GMEB1: variants seen among roughly 807,000 people sequenced by gnomAD.
GMEB1 encodes glucocorticoid modulatory element-binding protein 1.
Under a neutral mutation model 52.4 loss-of-function variants are expected in GMEB1, and 6 were observed. That is an observed-to-expected ratio of 0.11 (90% CI 0.06 to 0.23). The LOEUF (loss-of-function observed/expected upper bound fraction) is 0.23, where lower values mean the gene tolerates loss of function less well. Among genes scored for constraint, GMEB1 ranks in the 10% least tolerant of loss-of-function variants. The pLI, the probability that GMEB1 is intolerant of heterozygous loss-of-function variation, is 1.00. For synonymous variants in GMEB1, 255 were observed against 244.9 expected (o/e 1.04, Z -0.38); for missense variants, 486 against 685.6 (o/e 0.71, Z 3.25).
Position 28,683,741 on chromosome 1 carries a change from G to GT in GMEB1, c.128+2dup. On this transcript the variant is annotated splice_donor_variant, in intron 2 of 9. Coordinates refer to ENST00000373816, the MANE Select transcript of GMEB1 (RefSeq NM_001319674.2). LOFTEE classifies it high-confidence loss of function. ...TGCAGTTACAGCCTGTGCAACAAGG[G>GT]TAAGTGGCTAGAGATTTGGGTATTC... 2 of 1,612,554 alleles carry GT rather than the reference G, an allele frequency of 1.2e-6. No individual in the cohort carries two copies. The highest frequency in any genetic ancestry group is 1.7e-6 in the Non-Finnish European group (2 of 1,179,478).
chr1:28,694,709 C>T (rs1398091757), intron 5 of GMEB1, among the ~76,000 whole-genome samples: 1 of 150,710 alleles, frequency 6.6e-6, no homozygotes, highest in Non-Finnish European at 1.5e-5. Context: ...TGCTGTGTCG[C>T]CCAGGCTGCA....
chr1:28,706,754 T>A (rs1403644369), intron 8 of GMEB1, among the ~76,000 whole-genome samples: 1 of 151,560 alleles, frequency 6.6e-6, no homozygotes, highest in Non-Finnish European at 1.5e-5. Context: ...AACCTCCACC[T>A]CCCAAGTTCA....
rs553877130 is a variant in GMEB1 at position 28,718,308 on chromosome 1, A to G, written c.*3535A>G. Reference sequence around the variant, plus strand: ...TACTCCAGATGTCTGGAGTTAAGAAATACATATTTCAGCCAGGCATGGTGG... The same window carrying G: ...TACTCCAGATGTCTGGAGTTAAGAAGTACATATTTCAGCCAGGCATGGTGG... On this transcript the variant is annotated 3_prime_UTR_variant, in exon 10 of 10. Coordinates refer to ENST00000373816, the MANE Select transcript of GMEB1 (RefSeq NM_001319674.2). 3 of 152,384 alleles carry G rather than the reference A, an allele frequency of 2.0e-5. No individual in the cohort carries two copies. Among genetic ancestry groups the G allele is most frequent in the African/African-American group, 7.2e-5 (3 of 41,598 alleles). The allele number at this position is 152,384 out of a possible 1,614,324, so 9.4% of individuals were successfully genotyped here.
At chr1:28,684,012 T>C (rs1250620949) in intron 2 of GMEB1, among the ~76,000 whole-genome samples, 5 of 152,068 alleles carry the variant, frequency 3.3e-5, no homozygotes, top group African/African-American at 1.2e-4. Flanking sequence ...ATTTTATTAT[T>C]ATTTTTCTTG....
At chr1:28,682,122 T>G (rs1365934092) in intron 1 of GMEB1, among the ~76,000 whole-genome samples, 1 of 152,128 alleles carries the variant, frequency 6.6e-6, no homozygotes, top group Non-Finnish European at 1.5e-5. Context: ...TTACCTATAC[T>G]CTCTTAAGTG....
intron 6 of GMEB1, among the ~76,000 whole-genome samples, chr1:28,698,122 A>T (rs1428586808): frequency 6.6e-6 from 1 of 151,944 alleles, no homozygotes; most frequent in Non-Finnish European, 1.5e-5. Context: ...CCTGGGCAAC[A>T]GAGTGAGACT....
rs771711337 is a variant in GMEB1, at chr1:28,714,810, G to A, written c.*37G>A. ...AGGGCCAGGAGTTATGTTTTGATTTGGAATTTTAATTATTTGTTTATTTTT... is the reference window on the plus strand; with the variant it reads ...AGGGCCAGGAGTTATGTTTTGATTTAGAATTTTAATTATTTGTTTATTTTT... On this transcript the variant is annotated 3_prime_UTR_variant, in exon 10 of 10. Transcript: ENST00000373816. 2.2e-5 allele frequency: 30 copies of A among 1,363,760 alleles called. No individual in the cohort carries two copies. Among genetic ancestry groups the A allele is most frequent in the Non-Finnish European group, 3.1e-5 (30 of 975,924 alleles). 84.5% of individuals were successfully genotyped at this position (1,363,760 alleles called of 1,614,324 possible).
At chr1:28,698,022 C>A (rs771780306) in intron 6 of GMEB1, among the ~76,000 whole-genome samples, 6 of 152,122 alleles carry the variant, frequency 3.9e-5, no homozygotes, top group Non-Finnish European at 8.8e-5. Flanking sequence ...CACCTGCAGT[C>A]CCAGCTGCTG....
In GMEB1 at chr1:28,686,485, C is replaced by T. The variant is rs867443432; in HGVS notation, c.128+2745C>T. 5.3e-5 allele frequency among the ~76,000 whole-genome samples: 8 copies of T among 151,796 alleles called. No individual in the cohort carries two copies. In the South Asian group the frequency reaches 8.3e-4, roughly 16 times the overall value. On this transcript the variant is annotated intron_variant, in intron 2 of 9. Transcript: ENST00000373816. ...CTCTACTAAAAGTACAAAAATTAGC[C>T]GGGTGTGGTGGCACGCGCCTGTAAT... is the stretch of plus-strand genomic sequence containing the variant.
intron 1 of GMEB1, among the ~76,000 whole-genome samples, chr1:28,675,923 A>C (rs1669134410): frequency 2.0e-5 from 3 of 152,132 alleles, no homozygotes; most frequent in African/African-American, 7.2e-5. Context: ...TATTTAGGGT[A>C]ATGAGTGATA....
intron 1 of GMEB1, 89 bp from the exon 2 acceptor site, chr1:28,683,494 G>T: frequency 8.9e-7 from 1 of 1,121,290 alleles, no homozygotes; most frequent in Non-Finnish European, 1.3e-6. Context: ...CTCCCAAAGT[G>T]CTGGGATTCC....
intron 5 of GMEB1, among the ~76,000 whole-genome samples, chr1:28,696,074 T>G (rs1670196314): frequency 6.6e-6 from 1 of 151,228 alleles, no homozygotes; most frequent in Non-Finnish European, 1.5e-5. Flanking sequence ...ATTTATTTAT[T>G]TATTTATTTT....
chr1:28,688,947 A>G (rs1182525555), intron 2 of GMEB1, among the ~76,000 whole-genome samples: 2 of 147,216 alleles, frequency 1.4e-5, no homozygotes, highest in African/African-American at 5.0e-5. Context: ...GCTGGAGTAC[A>G]GTGGTGCGAT....
intron 2 of GMEB1, among the ~76,000 whole-genome samples, chr1:28,684,729 G>A (rs1471935069): frequency 2.0e-5 from 3 of 152,004 alleles, no homozygotes; most frequent in African/African-American, 7.2e-5. Context: ...ACACACACTG[G>A]GGCCTGTTGG....
intron 2 of GMEB1, among the ~76,000 whole-genome samples, chr1:28,685,726 C>T (rs1476182958): frequency 3.3e-5 from 5 of 151,826 alleles, no homozygotes; most frequent in South Asian, 2.1e-4. Flanking sequence ...TTTGGGAGGC[C>T]GAGGTGGGCG....
intron 2 of GMEB1, among the ~76,000 whole-genome samples, chr1:28,685,512 C>T (rs1360645424): frequency 6.6e-6 from 1 of 152,154 alleles, no homozygotes; most frequent in Non-Finnish European, 1.5e-5. Flanking sequence ...CTCTAGTAAA[C>T]ATAATGATGA....
intron 1 of GMEB1, among the ~76,000 whole-genome samples, chr1:28,678,787 A>G (rs1325579359): frequency 2.6e-5 from 4 of 151,560 alleles, no homozygotes; most frequent in Admixed American, 1.3e-4. Flanking sequence ...GAGTCTCACC[A>G]TGTTGCCCAG....
chr1:28,693,041 C>T lies in GMEB1; in HGVS notation c.436C>T (p.Leu146Phe), dbSNP rs1557509181. 6.4e-7 allele frequency: 1 copy of T among 1,561,104 alleles called. No homozygotes were observed. Among genetic ancestry groups the T allele is most frequent in the Non-Finnish European group, 8.8e-7 (1 of 1,138,506 alleles). Residue 146 changes from leucine to phenylalanine, a missense_variant, in exon 5 of 10, where the codon CTC becomes TTC. This residue lies in a region of GMEB1 where 43 missense variants were observed against 117.5 expected (regional missense o/e 0.37). Coordinates refer to ENST00000373816, the MANE Select transcript of GMEB1 (RefSeq NM_001319674.2). ...KRAIRLGGIM[L>F]RKMMDSGQID... ...AGCTATTCGTCTGGGTGGGATCATG[C>T]TCAGGTAAGCTCTAATGTCAAGCAC... is the stretch of plus-strand genomic sequence containing the variant.
At position 28,695,745 on chromosome 1, in the gene GMEB1, C is replaced by T. The variant is rs1430255288; in HGVS notation, c.441-1182C>T. On this transcript the variant is annotated intron_variant, in intron 5 of 9. Coordinates refer to ENST00000373816, the MANE Select transcript of GMEB1 (RefSeq NM_001319674.2). ...CGAGGTCAGGAGATCGAGACCATCCCGGCTAAAACGGTGAAACCCCGTCTC... is the reference window on the plus strand; with the variant it reads ...CGAGGTCAGGAGATCGAGACCATCCTGGCTAAAACGGTGAAACCCCGTCTC... Among the ~76,000 whole-genome samples, 870 of 145,764 alleles carry T rather than the reference C, an allele frequency of 6.0e-3. 8 individuals are homozygous for T. Among genetic ancestry groups the T allele is most frequent in the African/African-American group, 0.021 (814 of 39,456 alleles).
Sources: allele counts gnomAD v4.1 joint callset (sites outside exome capture counted in the v4.1 genomes callset), GRCh38; gene constraint gnomAD v4.1.1; regional missense constraint gnomAD v4.1.1; transcripts MANE v1.5; gene names NCBI Gene and HGNC (gene_info 2026-07-23, HGNC 2026-07-21).